The following RGS17 variants were observed in gnomAD, a reference collection of about 807,000 sequenced individuals.
The protein encoded by RGS17 is regulator of G protein signaling 17.
RGS17 carries 12 observed loss-of-function variants against 25.5 expected under a neutral mutation model. That is an observed-to-expected ratio of 0.47 (90% CI 0.30 to 0.76). The LOEUF (loss-of-function observed/expected upper bound fraction) is 0.76, where lower values mean the gene tolerates loss of function less well. Among genes scored for constraint, RGS17 ranks in the 30% least tolerant of loss-of-function variants. The pLI is 0.07. For synonymous variants in RGS17, 71 were observed against 76.9 expected (o/e 0.92, Z 0.40); for missense variants, 196 against 242.2 (o/e 0.81, Z 1.27).
At chr6:153,050,857 T>A (rs945121751) in intron 1 of RGS17, among the ~76,000 whole-genome samples, 15 of 148,028 alleles carry the variant, frequency 1.0e-4, no homozygotes, top group African/African-American at 3.7e-4. Flanking sequence ...CCAAATGTAA[T>A]GATATTTGGA....
intron 4 of RGS17, among the ~76,000 whole-genome samples, chr6:153,020,906 T>C (rs558707098): frequency 6.6e-6 from 1 of 152,272 alleles, no homozygotes; most frequent in African/African-American, 2.4e-5. Context: ...TGAGGTTCAG[T>C]GTGGGGACAG....
chr6:153,031,145 T>C (rs1779358397), intron 2 of RGS17, among the ~76,000 whole-genome samples: 1 of 152,142 alleles, frequency 6.6e-6, no homozygotes, highest in Non-Finnish European at 1.5e-5. Flanking sequence ...GCAAAGTATG[T>C]GTTATCCAAG....
At chr6:153,098,415 C>T (rs905335920) in intron 1 of RGS17, among the ~76,000 whole-genome samples, 5 of 152,218 alleles carry the variant, frequency 3.3e-5, no homozygotes, top group African/African-American at 1.2e-4. Flanking sequence ...ACACTTCCCA[C>T]TCTTAAAACC....
chr6:153,042,416 C>T (rs189926121), intron 2 of RGS17, among the ~76,000 whole-genome samples: 4 of 152,216 alleles, frequency 2.6e-5, no homozygotes, highest in East Asian at 1.9e-4. Context: ...ATAAATCTGA[C>T]GAGATCTGAT....
intron 1 of RGS17, among the ~76,000 whole-genome samples, chr6:153,117,078 T>G (rs556177437): frequency 6.6e-6 from 1 of 151,730 alleles, no homozygotes; most frequent in Non-Finnish European, 1.5e-5. Flanking sequence ...TATAATAATT[T>G]AAAAAAAGAA....
intron 3 of RGS17, among the ~76,000 whole-genome samples, chr6:153,025,962 G>A (rs1251808690): frequency 6.6e-6 from 1 of 151,734 alleles, no homozygotes; most frequent in African/African-American, 2.4e-5. Context: ...ACAATTATAT[G>A]ACTGGACTAT....
At chr6:153,073,410 A>C (rs1776834969) in intron 1 of RGS17, among the ~76,000 whole-genome samples, 1 of 152,128 alleles carries the variant, frequency 6.6e-6, no homozygotes, top group African/African-American at 2.4e-5. Flanking sequence ...ATCTGAGGAT[A>C]CTCTATCAAA....
At position 153,006,600 on chromosome 6, in the gene RGS17, CA is replaced by C. The variant is rs1367175615; in HGVS notation, c.*4973del. ...TGTATGTTTTGATGAGTAGCTAAATCAGATGTTTAACGTATGTTTTGGAAAA... is the reference window on the plus strand; with the variant it reads ...TGTATGTTTTGATGAGTAGCTAAATCGATGTTTAACGTATGTTTTGGAAAA... On this transcript the variant is annotated 3_prime_UTR_variant, in exon 5 of 5. Coordinates refer to ENST00000206262, the MANE Select transcript of RGS17 (RefSeq NM_012419.5). 1 of 152,494 alleles carries C rather than the reference CA, an allele frequency of 6.6e-6. No individual in the cohort carries two copies. The highest frequency in any genetic ancestry group is 1.5e-5 in the Non-Finnish European group (1 of 68,014). The allele number at this position is 152,494 out of a possible 1,614,324, so 9.4% of individuals were successfully genotyped here.
At chr6:153,035,008 G>A (rs1347178551) in intron 2 of RGS17, among the ~76,000 whole-genome samples, 1 of 151,876 alleles carries the variant, frequency 6.6e-6, no homozygotes, top group Non-Finnish European at 1.5e-5. Context: ...AAAAAAATTA[G>A]CCAGGTGTGG....
At chr6:153,063,474 T>C (rs1026464835) in intron 1 of RGS17, among the ~76,000 whole-genome samples, 2 of 152,034 alleles carry the variant, frequency 1.3e-5, no homozygotes, top group East Asian at 3.9e-4. Context: ...AAAAGCAGAA[T>C]TGATCAAGCT....
chr6:153,069,075 C>T (rs1344412649), intron 1 of RGS17, among the ~76,000 whole-genome samples: 1 of 152,234 alleles, frequency 6.6e-6, no homozygotes, highest in African/African-American at 2.4e-5. Flanking sequence ...AGTAGAGCTA[C>T]CATATGATCC....
At position 153,028,480 on chromosome 6, in the gene RGS17, C is replaced by G. The variant is rs374007440; in HGVS notation, c.120-1937G>C. Among the ~76,000 whole-genome samples the G allele has an allele frequency of 2.0e-5, 3 of 152,112 alleles. No homozygotes were observed. The South Asian group carries it at 6.2e-4, about 32-fold the overall frequency. ...TGAGGTTTGAGATAGCCTGGGAAAC[C>G]TCAGTCCTCTATGTCACTATACAAA... On this transcript the variant is annotated intron_variant, in intron 2 of 4. Coordinates refer to ENST00000206262, the MANE Select transcript of RGS17 (RefSeq NM_012419.5).
intron 1 of RGS17, among the ~76,000 whole-genome samples, chr6:153,062,826 C>T (rs1020320299): frequency 5.3e-5 from 8 of 152,084 alleles, no homozygotes; most frequent in African/African-American, 1.4e-4. Context: ...TGGCACTAAT[C>T]GGAGTCATGA....
At chr6:153,066,080 A>G (rs995892549) in intron 1 of RGS17, among the ~76,000 whole-genome samples, 3 of 152,176 alleles carry the variant, frequency 2.0e-5, no homozygotes, top group African/African-American at 7.2e-5. Flanking sequence ...AACAAAGTCA[A>G]AAATGAAAAA....
At chr6:153,112,936 A>G (rs994800818) in intron 1 of RGS17, among the ~76,000 whole-genome samples, 6 of 152,190 alleles carry the variant, frequency 3.9e-5, no homozygotes, top group African/African-American at 1.4e-4. Context: ...TAAATATGGG[A>G]AGGAAAAACC....
chr6:153,019,197 T>C (rs920815877), intron 4 of RGS17, among the ~76,000 whole-genome samples: 1 of 152,212 alleles, frequency 6.6e-6, no homozygotes, highest in African/African-American at 2.4e-5. Context: ...AGCGAGCTGC[T>C]AAGTGGCTCA....
chr6:153,070,562 C>T (rs1776773488), intron 1 of RGS17, among the ~76,000 whole-genome samples: 1 of 151,784 alleles, frequency 6.6e-6, no homozygotes, highest in Non-Finnish European at 1.5e-5. Flanking sequence ...GGAGGACCAA[C>T]TGTAAGGGAC....
At chr6:153,065,953 GA>G in intron 1 of RGS17, among the ~76,000 whole-genome samples, 1 of 152,068 alleles carries the variant, frequency 6.6e-6, no homozygotes, top group South Asian at 2.1e-4. Context: ...AAATGAATTT[GA>G]AATGAGGAAA....
Position 153,011,721 on chromosome 6 carries a change from A to G in RGS17, c.486T>C (p.Asn162=). 1 of 1,612,960 alleles carries G rather than the reference A, an allele frequency of 6.2e-7. No individual in the cohort carries two copies. The highest frequency in any genetic ancestry group is 8.5e-7 in the Non-Finnish European group (1 of 1,179,480). The part of the protein sequence containing the change: ...DSRVREVINR[N]LLDPNPHMYE... ...ACATGTGAGGATTGGGATCCAACAG[A>G]TTTCTATTGATCACCTCTCTAACTC... The change falls in exon 5 of 5, where the codon AAT becomes AAC. Residue 162 remains asparagine, a synonymous_variant. Transcript: ENST00000206262.
Sources: gnomAD v4.1 joint callset for allele counts (sites outside exome capture counted in the v4.1 genomes callset) on GRCh38, gnomAD v4.1.1 for gene constraint, MANE v1.5 for transcripts, NCBI Gene and HGNC (gene_info 2026-07-23, HGNC 2026-07-21) for gene names.